Variants in FGGY observed in about 807,000 individuals in gnomAD.
FGGY encodes the protein FGGY carbohydrate kinase domain containing, also known as FGGY carbohydrate kinase domain-containing protein.
Under a neutral mutation model 71.3 loss-of-function variants are expected in FGGY, and 72 were observed. The observed-to-expected ratio is 1.01, with a 90% CI of 0.84 to 1.23. The LOEUF is 1.23. Ranked by LOEUF, FGGY falls within the 50% of genes most tolerant of loss-of-function variation. The pLI is 0.00. For synonymous variants in FGGY, 251 were observed against 250.3 expected, an observed-to-expected ratio of 1.00 and a Z score of -0.02; for missense variants, 668 against 682.3, an observed-to-expected ratio of 0.98 and a Z score of 0.23.
chr1:59,401,738 C>T lies in FGGY; in HGVS notation c.554+22901C>T, dbSNP rs188837220. Among the ~76,000 whole-genome samples, 348 of 152,292 alleles carry T rather than the reference C, an allele frequency of 2.3e-3. 2 individuals carry two copies. The South Asian group carries it at 0.036, about 16-fold the overall frequency. On this transcript the variant is annotated intron_variant, in intron 5 of 15. Transcript: ENST00000303721. ...GGCCAGTTAAACTAATGAATTCCCTCAAGGAATTGATTCTAGTAATAGAGA... is the reference window on the plus strand; with the variant it reads ...GGCCAGTTAAACTAATGAATTCCCTTAAGGAATTGATTCTAGTAATAGAGA...
intron 14 of FGGY, among the ~76,000 whole-genome samples, chr1:59,744,084 G>T (rs2101480839): frequency 6.6e-6 from 1 of 152,308 alleles, no homozygotes. Flanking sequence ...TCACATTTTT[G>T]AAACTATTAG....
intron 11 of FGGY, among the ~76,000 whole-genome samples, chr1:59,659,960 A>T (rs1048985871): frequency 6.6e-6 from 1 of 152,216 alleles, no homozygotes; most frequent in Non-Finnish European, 1.5e-5. Flanking sequence ...AAGAAATATC[A>T]AACATAATCT....
Position 59,673,295 on chromosome 1 carries a change from GAA to G in FGGY, c.1418-742_1418-741del, listed in dbSNP as rs572123383. ...GCTCAGTAGGAAGGTGATGTTTGCG[GAA>G]ACACTTGAAGGATGGGCCGGCAATT... On this transcript the variant is annotated intron_variant, in intron 13 of 15. Transcript: ENST00000303721. Among the ~76,000 whole-genome samples the G allele has an allele frequency of 2.9e-3, 446 of 152,282 alleles. 1 individual carries two copies. Among genetic ancestry groups the G allele is most frequent in the Admixed American group, 8.0e-3 (122 of 15,300 alleles).
chr1:59,657,264 G>T (rs1464173796), intron 11 of FGGY, among the ~76,000 whole-genome samples: 3 of 152,110 alleles, frequency 2.0e-5, no homozygotes, highest in African/African-American at 7.2e-5. Flanking sequence ...ATCCAAATCT[G>T]GTCTTCAGGA....
intron 6 of FGGY, among the ~76,000 whole-genome samples, chr1:59,503,620 A>ATATATAT (rs1558148301): frequency 3.0e-5 from 4 of 134,152 alleles, no homozygotes; most frequent in African/African-American, 6.4e-5. Context: ...TATATATATA[A>ATATATAT]AATATGTATT....
chr1:59,612,112 C>T (rs549489165), intron 9 of FGGY, among the ~76,000 whole-genome samples: 2 of 152,180 alleles, frequency 1.3e-5, no homozygotes, highest in Non-Finnish European at 2.9e-5. Context: ...CCTAGCTAGG[C>T]AGACCAACAT....
intron 11 of FGGY, among the ~76,000 whole-genome samples, chr1:59,649,841 G>A (rs2097139045): frequency 7.1e-6 from 1 of 140,684 alleles, no homozygotes; most frequent in Non-Finnish European, 1.5e-5. Context: ...TTTTCAAAGG[G>A]AATGCTTCCA....
At chr1:59,554,077 T>G in intron 7 of FGGY, 47 bp from the exon 8 acceptor site, 3 of 1,430,348 alleles carry the variant, frequency 2.1e-6, no homozygotes, top group Non-Finnish European at 1.9e-6. Context: ...CTCTCCCTCT[T>G]TTTTTATGTG....
intron 6 of FGGY, among the ~76,000 whole-genome samples, chr1:59,505,354 A>G (rs1362075310): frequency 6.6e-6 from 1 of 152,196 alleles, no homozygotes; most frequent in African/African-American, 2.4e-5. Context: ...TTTCTGTAGT[A>G]AGTGATGAGG....
At chr1:59,723,928 C>T (rs903057365) in intron 14 of FGGY, among the ~76,000 whole-genome samples, 1 of 152,128 alleles carries the variant, frequency 6.6e-6, no homozygotes, top group Admixed American at 6.6e-5. Flanking sequence ...TTTGGGAGGC[C>T]TAGGCAGGCA....
intron 5 of FGGY, among the ~76,000 whole-genome samples, chr1:59,446,970 G>A (rs960918532): frequency 7.9e-5 from 12 of 152,184 alleles, no homozygotes; most frequent in African/African-American, 2.4e-4. Flanking sequence ...TGCTTTTGAT[G>A]TGCGCCTTGC....
At chr1:59,508,989 T>C (rs1417131291) in intron 6 of FGGY, among the ~76,000 whole-genome samples, 1 of 152,204 alleles carries the variant, frequency 6.6e-6, no homozygotes, top group Admixed American at 6.5e-5. Flanking sequence ...CAGCAGAGTC[T>C]CTGGAGTGAG....
At chr1:59,426,158 C>A (rs560183890) in intron 5 of FGGY, among the ~76,000 whole-genome samples, 1 of 152,156 alleles carries the variant, frequency 6.6e-6, no homozygotes, top group African/African-American at 2.4e-5. Context: ...ACCTGAGCTT[C>A]CAGCACCACC....
chr1:59,350,086 G>A (rs1217700642), intron 4 of FGGY, among the ~76,000 whole-genome samples: 1 of 152,084 alleles, frequency 6.6e-6, no homozygotes, highest in Non-Finnish European at 1.5e-5. Flanking sequence ...AGCTTCAGTA[G>A]AGCTGCTCAA....
intron 6 of FGGY, among the ~76,000 whole-genome samples, chr1:59,474,373 A>G (rs1419760462): frequency 2.0e-5 from 3 of 152,164 alleles, no homozygotes; most frequent in Non-Finnish European, 4.4e-5. Flanking sequence ...ACTGTAATGC[A>G]CTCATTTTAT....
At chr1:59,496,977 T>C (rs1031776458) in intron 6 of FGGY, among the ~76,000 whole-genome samples, 1 of 152,216 alleles carries the variant, frequency 6.6e-6, no homozygotes, top group Non-Finnish European at 1.5e-5. Context: ...AACATGACAA[T>C]TATATGTTAG....
chr1:59,657,754 C>G (rs1051862154), intron 11 of FGGY, among the ~76,000 whole-genome samples: 1 of 152,088 alleles, frequency 6.6e-6, no homozygotes, highest in African/African-American at 2.4e-5. Flanking sequence ...GACAAAGGCT[C>G]TATATGAGGT....
At chr1:59,456,464 T>G (rs955587061) in intron 5 of FGGY, among the ~76,000 whole-genome samples, 48 of 151,542 alleles carry the variant, frequency 3.2e-4, no homozygotes, top group African/African-American at 1.1e-3. Context: ...TTTTTTTTTT[T>G]TTGAGACAGA....
chr1:59,375,097 CA>C (rs11290884), intron 4 of FGGY, among the ~76,000 whole-genome samples: 25,138 of 137,854 alleles, frequency 0.18, 2,147 homozygotes, highest in Middle Eastern at 0.24. Flanking sequence ...TAGTTTTCAT[CA>C]AAAAAAAAAA....
Sources: gnomAD v4.1 joint callset for allele counts (sites outside exome capture counted in the v4.1 genomes callset) on GRCh38, gnomAD v4.1.1 for gene constraint, MANE v1.5 for transcripts, NCBI Gene and HGNC (gene_info 2026-07-23, HGNC 2026-07-21) for gene names.